Variants in ABCB10 observed in about 807,000 individuals in gnomAD.
The protein encoded by ABCB10 is ATP binding cassette subfamily B member 10, also known as ATP-binding cassette sub-family B member 10, mitochondrial.
Under a neutral mutation model 65.4 loss-of-function variants are expected in ABCB10, and 54 were observed. The ratio of observed to expected loss-of-function variants is 0.83; its 90% CI spans 0.66 to 1.04. The LOEUF is 1.04. Ranked by LOEUF, ABCB10 falls within the 50% of genes least tolerant of loss-of-function variation. ABCB10 has a pLI of 0.00. For missense variants in ABCB10, 846 were observed against 976.6 expected, an observed-to-expected ratio of 0.87 and a Z score of 1.78; for synonymous variants, 418 against 406.5, an observed-to-expected ratio of 1.03 and a Z score of -0.34.
chr1:229,549,407 C>G lies in ABCB10; in HGVS notation c.545G>C (p.Ser182Thr). The change falls in exon 2 of 13, where the codon AGT (serine) becomes ACT (threonine). Residue 182 changes from serine (S) to threonine (T), a missense_variant. Transcript: ENST00000344517. ...GAAAGGGGCAGACATGGAGATAACA[C>G]TGGACATCGTGAGAAATCCAACCGC... is the stretch of plus-strand genomic sequence containing the variant. ...AAAVGFLTMSSVISMSAPFFL... is the reference protein window; with the variant it reads ...AAAVGFLTMSTVISMSAPFFL... 6.2e-7 allele frequency: 1 copy of G among 1,614,146 alleles called. No homozygotes were observed. The highest frequency in any genetic ancestry group is 1.1e-5 in the South Asian group (1 of 91,076).
At position 229,518,085 on chromosome 1, in the gene ABCB10, G is replaced by C; in HGVS notation, c.*94C>G. ...AAAATAGGTATTTTTCAAATAACTTGATATATGGTTTATGTATTTCATAGT... is the reference window on the plus strand; with the variant it reads ...AAAATAGGTATTTTTCAAATAACTTCATATATGGTTTATGTATTTCATAGT... On this transcript the variant is annotated 3_prime_UTR_variant, in exon 13 of 13. Transcript: ENST00000344517. The C allele has an allele frequency of 1.1e-6, 1 of 883,388 alleles. No individual in the cohort carries two copies. The highest frequency in any genetic ancestry group is 1.7e-5 in the South Asian group (1 of 60,150). The allele number at this position is 883,388 out of a possible 1,614,324, so 54.7% of individuals were successfully genotyped here.
At chr1:229,548,671 T>C (rs1050615671) in intron 2 of ABCB10, among the ~76,000 whole-genome samples, 2 of 150,926 alleles carry the variant, frequency 1.3e-5, no homozygotes, top group African/African-American at 4.9e-5. Context: ...TTTTTCTTTT[T>C]TTTTTTTTTG....
rs987955026 is a variant in ABCB10 at position 229,558,668 on chromosome 1, C to T, written c.-16G>A. ...GGCCTCGCATGGCGCTGCGTGCGAC[C>T]CGTACGCCTCAGCCCGCCGGCCAGG... On this transcript the variant is annotated 5_prime_UTR_variant, in exon 1 of 13. Transcript: ENST00000344517. The T allele has an allele frequency of 6.2e-6, 8 of 1,298,784 alleles. No homozygotes were observed. Among genetic ancestry groups the T allele is most frequent in the East Asian group, 3.3e-5 (1 of 30,046 alleles). The allele number at this position is 1,298,784 out of a possible 1,614,324, so 80.5% of individuals were successfully genotyped here. A position where few individuals can be genotyped will look rare whatever the true frequency, so the allele number is the denominator to read the frequency against.
At position 229,539,697 on chromosome 1, in the gene ABCB10, A is replaced by G; in HGVS notation, c.1204-106T>C. ...CCCTTTTTCATTCAACTGTCACAGC[A>G]AGATTTTTCCAAAATATTAATTTCA... On this transcript the variant is annotated intron_variant, in intron 5 of 12. Transcript: ENST00000344517. 4 of 1,328,584 alleles carry G rather than the reference A, an allele frequency of 3.0e-6. No homozygotes were observed. In the African/African-American group the frequency reaches 4.5e-5, roughly 15 times the overall value. 82.3% of individuals were successfully genotyped at this position (1,328,584 alleles called of 1,614,324 possible).
intron 10 of ABCB10, among the ~76,000 whole-genome samples, chr1:229,522,775 A>G (rs962703366): frequency 1.3e-5 from 2 of 152,196 alleles, no homozygotes; most frequent in African/African-American, 4.8e-5. Context: ...TCCAAAGAAC[A>G]CTTGAAATGT....
intron 8 of ABCB10, among the ~76,000 whole-genome samples, chr1:229,528,426 AAG>A (rs1004563368): frequency 6.6e-6 from 1 of 151,930 alleles, no homozygotes; most frequent in Non-Finnish European, 1.5e-5. Flanking sequence ...CTGCCTCCCT[AAG>A]AGCTGAGATT....
rs60323914 is a variant in ABCB10 at position 229,550,525 on chromosome 1, CAAA to C, written c.518-1094_518-1092del. Among the ~76,000 whole-genome samples the C allele has an allele frequency of 5.8e-3, 371 of 63,538 alleles. 7 individuals carry two copies. The highest frequency in any genetic ancestry group is 0.026 in the African/African-American group (349 of 13,448). 41.7% of individuals were successfully genotyped at this position (63,538 alleles called of 152,430 possible). On this transcript the variant is annotated intron_variant, in intron 1 of 12. Transcript: ENST00000344517. ...GGGTGACACAGCAATATGCTGTCTC[CAAA>C]AAAAAAAAAAAAAAAAAAAATTTTA...
intron 1 of ABCB10, among the ~76,000 whole-genome samples, chr1:229,553,831 C>G (rs1034266003): frequency 1.3e-5 from 2 of 151,988 alleles, no homozygotes; most frequent in South Asian, 2.1e-4. Flanking sequence ...CTCCATCTCT[C>G]TGTGCCCAGT....
intron 1 of ABCB10, among the ~76,000 whole-genome samples, chr1:229,553,739 C>T (rs1008485072): frequency 6.6e-6 from 1 of 151,230 alleles, no homozygotes; most frequent in African/African-American, 2.4e-5. Context: ...ACCTCAGAAC[C>T]GGCCCTCCTA....
rs1231540869 is a variant in ABCB10 at position 229,517,144 on chromosome 1, T to C, written c.*1035A>G. ...GAGACTATAAATAAAACTATAACCATAAATAAAAGGGCTTATTAATATCTT... is the reference window on the plus strand; with the variant it reads ...GAGACTATAAATAAAACTATAACCACAAATAAAAGGGCTTATTAATATCTT... On this transcript the variant is annotated 3_prime_UTR_variant, in exon 13 of 13. Transcript: ENST00000344517. 2 of 152,196 alleles carry C rather than the reference T, an allele frequency of 1.3e-5. No individual in the cohort carries two copies. The highest frequency in any genetic ancestry group is 2.9e-5 in the Non-Finnish European group (2 of 68,016). The allele number at this position is 152,196 out of a possible 1,614,324, so 9.4% of individuals were successfully genotyped here.
Position 229,547,525 on chromosome 1 carries a change from G to A in ABCB10, c.895C>T (p.Gln299Ter), listed in dbSNP as rs1301305158. 1 of 1,613,258 alleles carries A rather than the reference G, an allele frequency of 6.2e-7. No individual in the cohort carries two copies. Among genetic ancestry groups the A allele is most frequent in the South Asian group, 1.1e-5 (1 of 91,038 alleles). The change falls in exon 3 of 13, where the codon CAG becomes TAG. Residue 299 changes from glutamine (Q) to a stop codon, truncating the protein, a stop_gained. Transcript: ENST00000344517. LOFTEE classifies it high-confidence loss of function. ...NLSDGLRAGA[Q>*]ASVGISMMFF... ...ATCATACTGATGCCTACGGAAGCCT[G>A]GGCCCCGGCCCTGAGCCCATCTGAG...
chr1:229,534,108 T>C (rs904485811), intron 6 of ABCB10, among the ~76,000 whole-genome samples: 1 of 152,022 alleles, frequency 6.6e-6, no homozygotes, highest in African/African-American at 2.4e-5. Flanking sequence ...TTAAAAATGG[T>C]CAAAAGTCCT....
At chr1:229,535,729 C>CT (rs34439249) in intron 6 of ABCB10, among the ~76,000 whole-genome samples, 24,094 of 142,684 alleles carry the variant, frequency 0.17, 2,394 homozygotes, top group Middle Eastern at 0.26. Context: ...AATGTAGGCT[C>CT]TTTTTTTTTT....
chr1:229,541,085 AAGAC>A (rs1662832195), intron 4 of ABCB10, among the ~76,000 whole-genome samples: 2 of 152,246 alleles, frequency 1.3e-5, no homozygotes, highest in Non-Finnish European at 1.5e-5. Flanking sequence ...TGCAGAGAAA[AAGAC>A]AGACTCCAAA....
chr1:229,547,043 A>C (rs1662984523), intron 3 of ABCB10, among the ~76,000 whole-genome samples: 2 of 152,206 alleles, frequency 1.3e-5, no homozygotes. Context: ...AGGTAAGGCA[A>C]GCAGACAGGA....
rs1220752342 is a variant in ABCB10 at position 229,558,673 on chromosome 1, C to T, written c.-21G>A. On this transcript the variant is annotated 5_prime_UTR_variant, in exon 1 of 13. Transcript: ENST00000344517. ...CGCATGGCGCTGCGTGCGACCCGTA[C>T]GCCTCAGCCCGCCGGCCAGGCGCGC... The T allele has an allele frequency of 3.1e-6, 4 of 1,270,670 alleles. No homozygotes were observed. Among genetic ancestry groups the T allele is most frequent in the African/African-American group, 3.2e-5 (2 of 63,482 alleles). The allele number at this position is 1,270,670 out of a possible 1,614,324, so 78.7% of individuals were successfully genotyped here.
rs753294026 is a variant in ABCB10, at chr1:229,526,045, G to A, written c.1797C>T (p.Thr599=). ...CAGCCACTCTCTGGATTTCCTCAGC[G>A]GTCACAGAGGAAGGGTCATCAGCAC... ...AYGADDPSSV[T]AEEIQRVAEV... is the part of the protein sequence containing the mutation. The change falls in exon 10 of 13, where the codon ACC becomes ACT. Residue 599 remains threonine (T), a synonymous_variant. Coordinates refer to ENST00000344517, the MANE Select transcript of ABCB10 (RefSeq NM_012089.3). The A allele has an allele frequency of 2.4e-5, 38 of 1,614,068 alleles. No individual in the cohort carries two copies. The highest frequency in any genetic ancestry group is 1.6e-4 in the East Asian group (7 of 44,902).
rs983370629 is a variant in ABCB10 at position 229,549,408 on chromosome 1, T to C, written c.544A>G (p.Ser182Gly). Residue 182 changes from serine to glycine, a missense_variant, in exon 2 of 13, where the codon AGT (serine) becomes GGT (glycine). Physicochemically the swap from Ser to Gly is moderately conservative, Grantham distance 56. This residue lies in a region of ABCB10 where 632 missense variants were observed against 803.2 expected (regional missense o/e 0.79). Transcript: ENST00000344517. ...AAAVGFLTMS[S>G]VISMSAPFFL... ...AAAGGGGCAGACATGGAGATAACAC[T>C]GGACATCGTGAGAAATCCAACCGCA... 3.1e-6 allele frequency: 5 copies of C among 1,614,088 alleles called. No individual in the cohort carries two copies. The highest frequency in any genetic ancestry group is 3.4e-6 in the Non-Finnish European group (4 of 1,179,976).
intron 10 of ABCB10, among the ~76,000 whole-genome samples, chr1:229,522,886 T>C (rs527976606): frequency 2.6e-5 from 4 of 152,302 alleles, no homozygotes; most frequent in African/African-American, 9.6e-5. Context: ...AGTCTTGCTC[T>C]GTCTTCCAGG....
Sources: allele counts gnomAD v4.1 joint callset (sites outside exome capture counted in the v4.1 genomes callset), GRCh38; gene constraint gnomAD v4.1.1; regional missense constraint gnomAD v4.1.1; transcripts MANE v1.5; gene names NCBI Gene and HGNC (gene_info 2026-07-23, HGNC 2026-07-21).